Variants in ALG14 observed in about 807,000 individuals in gnomAD.
ALG14 encodes UDP-N-acetylglucosamine transferase subunit ALG14.
Under a neutral mutation model 22.8 loss-of-function variants are expected in ALG14, and 17 were observed. The observed-to-expected ratio is 0.75, with a 90% CI of 0.51 to 1.12. ALG14 has a LOEUF of 1.12. Among genes scored for constraint, ALG14 ranks in the 50% most tolerant of loss-of-function variants. ALG14 has a pLI of 0.00. For synonymous variants in ALG14, 89 were observed against 103.7 expected (o/e 0.86, Z 0.86); for missense variants, 288 against 271.8 (o/e 1.06, Z -0.42).
intron 3 of ALG14, among the ~76,000 whole-genome samples, chr1:95,002,673 T>C (rs1177218033): frequency 2.0e-5 from 3 of 152,178 alleles, no homozygotes; most frequent in Non-Finnish European, 4.4e-5. Context: ...GGGGAGCCAG[T>C]AGATGACAAG....
intron 3 of ALG14, among the ~76,000 whole-genome samples, chr1:94,994,908 T>C (rs1246049634): frequency 6.6e-6 from 1 of 152,198 alleles, no homozygotes; most frequent in Non-Finnish European, 1.5e-5. Flanking sequence ...GGAAAGGTTT[T>C]CAGCAGAGAA....
At chr1:95,072,612 G>A in intron 1 of ALG14, 151 bp downstream of exon 1, 1 of 1,167,706 alleles carries the variant, frequency 8.6e-7, no homozygotes, top group South Asian at 1.7e-5. Context: ...TACCCTGGCT[G>A]GACTGCCCGG....
intron 2 of ALG14, chr1:95,041,553 T>C (rs1331190070): frequency 6.8e-6 from 1 of 146,644 alleles, no homozygotes; most frequent in Admixed American, 7.1e-5. Context: ...AATTCAAAGA[T>C]GCAGTGAGCT....
chr1:95,023,149 GACGGAGTCTT>G (rs1373194830), intron 3 of ALG14, among the ~76,000 whole-genome samples: 21 of 150,002 alleles, frequency 1.4e-4, no homozygotes, highest in African/African-American at 4.9e-4. Context: ...TTTTTTTTGA[GACGGAGTCTT>G]ACTCTATCCC....
intron 3 of ALG14, among the ~76,000 whole-genome samples, chr1:94,995,112 C>T (rs960559013): frequency 3.3e-5 from 5 of 152,170 alleles, no homozygotes; most frequent in African/African-American, 1.2e-4. Flanking sequence ...TTCTATCTTG[C>T]TGAACTGAAA....
intron 3 of ALG14, among the ~76,000 whole-genome samples, chr1:94,988,205 A>G (rs1315140069): frequency 1.3e-5 from 2 of 152,204 alleles, no homozygotes; most frequent in Non-Finnish European, 2.9e-5. Context: ...AGGAAGGGAG[A>G]AAACACTGAC....
At chr1:95,036,703 G>C (rs553422511) in intron 2 of ALG14, among the ~76,000 whole-genome samples, 1 of 151,922 alleles carries the variant, frequency 6.6e-6, no homozygotes, top group Admixed American at 6.6e-5. Context: ...CTGGGATTAA[G>C]GGCGTGAGCC....
At chr1:94,994,513 A>C (rs1056161093) in intron 3 of ALG14, among the ~76,000 whole-genome samples, 1 of 152,228 alleles carries the variant, frequency 6.6e-6, no homozygotes, top group Non-Finnish European at 1.5e-5. Flanking sequence ...ATTTTGCAAA[A>C]TTACCTCATT....
At chr1:95,016,564 C>G (rs1439349604) in intron 3 of ALG14, among the ~76,000 whole-genome samples, 1 of 152,028 alleles carries the variant, frequency 6.6e-6, no homozygotes, top group Non-Finnish European at 1.5e-5. Flanking sequence ...CTGCCAAGAT[C>G]TAAATCTGAT....
At chr1:95,045,857 T>G (rs989289635) in intron 2 of ALG14, among the ~76,000 whole-genome samples, 4 of 148,278 alleles carry the variant, frequency 2.7e-5, no homozygotes, top group Non-Finnish European at 5.9e-5. Flanking sequence ...CTAATAGAAT[T>G]AGTATACTAA....
At position 95,013,228 on chromosome 1, in the gene ALG14, G is replaced by T. The variant is rs114490018; in HGVS notation, c.420+13901C>A. ...TATAGAATTGTCTCATTTTTCTAGT[G>T]CAGGGTAACAAGCTGTATTTGAAAT... On this transcript the variant is annotated intron_variant, in intron 3 of 3. Coordinates refer to ENST00000370205, the MANE Select transcript of ALG14 (RefSeq NM_144988.4). 4.6e-3 allele frequency among the ~76,000 whole-genome samples: 705 copies of T among 151,826 alleles called. 4 individuals are homozygous for T. The highest frequency in any genetic ancestry group is 0.016 in the African/African-American group (669 of 41,434).
intron 3 of ALG14, among the ~76,000 whole-genome samples, chr1:95,001,867 T>A (rs947925006): frequency 1.3e-5 from 2 of 152,228 alleles, no homozygotes; most frequent in African/African-American, 4.8e-5. Flanking sequence ...ACTAGCTTCC[T>A]AAAAGCCAAA....
chr1:95,053,491 A>G (rs546640095), intron 2 of ALG14, among the ~76,000 whole-genome samples: 1 of 152,364 alleles, frequency 6.6e-6, no homozygotes, highest in East Asian at 1.9e-4. Context: ...TAACAAATAC[A>G]AAGAAAAAAG....
Position 95,027,239 on chromosome 1 carries a change from G to A in ALG14, c.310C>T (p.Arg104Ter), listed in dbSNP as rs367570129. 8.7e-5 allele frequency: 141 copies of A among 1,613,938 alleles called. No homozygotes were observed. Among genetic ancestry groups the A allele is most frequent in the Non-Finnish European group, 1.1e-4 (134 of 1,179,976 alleles). ...SNMYTKYYIHRIPRSREVQQS... is the reference protein window; with the variant it reads ...SNMYTKYYIH ...TGAACCTCCCGGCTTCTTGGAATTC[G>A]GTGAATGTAGTATTTGGTATACTAG... is the stretch of plus-strand genomic sequence containing the variant. The change falls in exon 3 of 4, where the codon CGA (arginine) becomes TGA (stop). Residue 104 changes from arginine to a stop codon, truncating the protein, a stop_gained. Coordinates refer to ENST00000370205, the MANE Select transcript of ALG14 (RefSeq NM_144988.4). LOFTEE classifies it high-confidence loss of function.
At chr1:95,011,693 G>C in intron 3 of ALG14, among the ~76,000 whole-genome samples, 1 of 152,034 alleles carries the variant, frequency 6.6e-6, no homozygotes, top group East Asian at 1.9e-4. Context: ...GGGATTACAG[G>C]TGTGAGCCGC....
At chr1:95,035,082 CT>C (rs1674140244) in intron 2 of ALG14, among the ~76,000 whole-genome samples, 2 of 152,226 alleles carry the variant, frequency 1.3e-5, no homozygotes, top group South Asian at 4.1e-4. Context: ...TTCTGTTGAA[CT>C]TTAGGCCTCA....
At position 94,990,094 on chromosome 1, in the gene ALG14, A is replaced by G. The variant is rs993502126; in HGVS notation, c.421-6788T>C. ...AAGGACTTATCTAAGACAGGAGGGC[A>G]AAAGCAGTGGGACAAAAGCCTCAGG... On this transcript the variant is annotated intron_variant, in intron 3 of 3. Coordinates refer to ENST00000370205, the MANE Select transcript of ALG14 (RefSeq NM_144988.4). Among the ~76,000 whole-genome samples the G allele has an allele frequency of 2.6e-5, 4 of 152,230 alleles. No homozygotes were observed. In the East Asian group the frequency reaches 7.7e-4, roughly 29 times the overall value.
chr1:95,033,442 CACAT>C (rs1315212752), intron 2 of ALG14, among the ~76,000 whole-genome samples: 17 of 143,154 alleles, frequency 1.2e-4, no homozygotes, highest in African/African-American at 2.4e-4. Context: ...CACACACACA[CACAT>C]ACATATATAT....
Position 94,983,102 on chromosome 1 carries a change from A to G in ALG14, c.625T>C (p.Ser209Pro), listed in dbSNP as rs1672538725. ...WPALKEKYPK[S>P]VYLGRIV ...CAAACAATTCGCCCAAGGTACACCG[A>G]TTTGGGATACTTTTCTTTCAGAGCC... The change falls in exon 4 of 4, where the codon TCG (serine) becomes CCG (proline). Residue 209 changes from serine (S) to proline (P), a missense_variant. Ser to Pro is a moderately conservative substitution (Grantham distance 74). Transcript: ENST00000370205. 1 of 1,614,024 alleles carries G rather than the reference A, an allele frequency of 6.2e-7. No individual in the cohort carries two copies. The highest frequency in any genetic ancestry group is 8.5e-7 in the Non-Finnish European group (1 of 1,180,012).
Sources: gnomAD v4.1 joint callset for allele counts (sites outside exome capture counted in the v4.1 genomes callset) on GRCh38, gnomAD v4.1.1 for gene constraint, MANE v1.5 for transcripts, NCBI Gene and HGNC (gene_info 2026-07-23, HGNC 2026-07-21) for gene names.